Variants in COL24A1 observed in about 807,000 individuals in gnomAD.
COL24A1 encodes the protein collagen type XXIV alpha 1 chain, also known as collagen alpha-1(XXIV) chain.
A neutral mutation model predicts 253.9 loss-of-function variants in COL24A1; 224 were observed. The observed-to-expected ratio is 0.88, with a 90% CI of 0.79 to 0.99. The LOEUF is 0.99. Ranked by LOEUF, COL24A1 falls within the 50% of genes least tolerant of loss-of-function variation. COL24A1 has a pLI of 0.00. For missense variants in COL24A1, 2,131 were observed against 2,068.5 expected (o/e 1.03, Z -0.59); for synonymous variants, 685 against 673.7 (o/e 1.02, Z -0.26).
At chr1:85,917,450 T>C (rs538240867) in intron 24 of COL24A1, among the ~76,000 whole-genome samples, 1 of 152,258 alleles carries the variant, frequency 6.6e-6, no homozygotes, top group East Asian at 1.9e-4. Flanking sequence ...GCTCAACTTA[T>C]TTTTTCCCAT....
At chr1:85,821,294 AT>A (rs1188892105) in intron 45 of COL24A1, among the ~76,000 whole-genome samples, 1 of 152,172 alleles carries the variant, frequency 6.6e-6, no homozygotes, top group Non-Finnish European at 1.5e-5. Context: ...AATTAATCAT[AT>A]TTTACTTAAT....
At chr1:85,897,667 T>C (rs887835425) in intron 28 of COL24A1, among the ~76,000 whole-genome samples, 6 of 152,180 alleles carry the variant, frequency 3.9e-5, no homozygotes, top group Non-Finnish European at 2.9e-5. Context: ...GACAGAATAG[T>C]CTTCCATTAA....
At chr1:85,991,750 TAG>T (rs1694298095) in intron 19 of COL24A1, among the ~76,000 whole-genome samples, 1 of 152,064 alleles carries the variant, frequency 6.6e-6, no homozygotes, top group Admixed American at 6.6e-5. Flanking sequence ...TCAAGGATAA[TAG>T]AAGAAAAAGA....
chr1:85,829,010 T>C (rs1461916954), intron 43 of COL24A1, among the ~76,000 whole-genome samples: 1 of 152,190 alleles, frequency 6.6e-6, no homozygotes, highest in South Asian at 2.1e-4. Context: ...TGCAGTTTCT[T>C]CCTAGTCTTG....
At chr1:86,147,842 T>C (rs78522133) in intron 1 of COL24A1, among the ~76,000 whole-genome samples, 1,564 of 152,352 alleles carry the variant, frequency 0.01, 17 homozygotes, top group African/African-American at 0.036. Flanking sequence ...TAACATGACA[T>C]GACCCTAAAA....
chr1:85,783,650 TA>T (rs1287512333), intron 50 of COL24A1, 92 bp from the exon 51 acceptor site: 7 of 1,180,876 alleles, frequency 5.9e-6, no homozygotes, highest in Non-Finnish European at 8.8e-6. Context: ...ATTGCTCTTT[TA>T]AAAATGGAAT....
intron 19 of COL24A1, among the ~76,000 whole-genome samples, chr1:85,994,788 G>C (rs1694620692): frequency 6.6e-6 from 1 of 152,108 alleles, no homozygotes; most frequent in Non-Finnish European, 1.5e-5. Flanking sequence ...TGCAAATGAA[G>C]GAAATATTCT....
chr1:85,978,756 C>T (rs950149277), intron 20 of COL24A1, among the ~76,000 whole-genome samples: 1 of 152,126 alleles, frequency 6.6e-6, no homozygotes, highest in Non-Finnish European at 1.5e-5. Context: ...GATGTTGATA[C>T]TCTACTGACA....
chr1:85,921,071 A>T (rs570765841), intron 24 of COL24A1, among the ~76,000 whole-genome samples: 1 of 152,246 alleles, frequency 6.6e-6, no homozygotes, highest in African/African-American at 2.4e-5. Context: ...GGCTCATCTC[A>T]TTGGGACTGG....
chr1:86,080,471 G>A (rs1702553522), intron 7 of COL24A1, among the ~76,000 whole-genome samples: 1 of 152,144 alleles, frequency 6.6e-6, no homozygotes, highest in South Asian at 2.1e-4. Flanking sequence ...AAATGTTTGT[G>A]AGGATGGATA....
intron 24 of COL24A1, among the ~76,000 whole-genome samples, chr1:85,942,523 G>A (rs961089430): frequency 5.3e-5 from 8 of 152,070 alleles, no homozygotes; most frequent in South Asian, 4.1e-4. Flanking sequence ...TGTAGAATAC[G>A]CTAGGTAAAT....
intron 37 of COL24A1, among the ~76,000 whole-genome samples, chr1:85,862,156 CAATCTGCAGTGATCTTTT>C (rs1290227643): frequency 5.3e-5 from 8 of 152,174 alleles, no homozygotes; most frequent in Non-Finnish European, 1.2e-4. Flanking sequence ...TGCATTATCA[CAATCTGCAGTGATCTTTT>C]AATCTTTCAG....
chr1:85,840,508 C>T (rs887728156), intron 42 of COL24A1, among the ~76,000 whole-genome samples: 2 of 151,952 alleles, frequency 1.3e-5, no homozygotes, highest in African/African-American at 2.4e-5. Flanking sequence ...GATCCTTGTG[C>T]CTTAAGATTG....
At chr1:86,151,110 T>G in intron 1 of COL24A1, among the ~76,000 whole-genome samples, 1 of 151,960 alleles carries the variant, frequency 6.6e-6, no homozygotes, top group East Asian at 1.9e-4. Context: ...TGTGTGTGTA[T>G]ACACATACAT....
At chr1:85,926,336 A>G (rs1303411180) in intron 24 of COL24A1, among the ~76,000 whole-genome samples, 1 of 152,224 alleles carries the variant, frequency 6.6e-6, no homozygotes. Flanking sequence ...TATATACCCA[A>G]AGGATTGTAA....
At chr1:85,768,960 A>G (rs1008365325) in intron 53 of COL24A1, among the ~76,000 whole-genome samples, 3 of 151,218 alleles carry the variant, frequency 2.0e-5, no homozygotes, top group Non-Finnish European at 4.4e-5. Context: ...TCATGCCTTC[A>G]TGGAGCTCAC....
chr1:85,824,384 G>T (rs902234078), intron 43 of COL24A1, among the ~76,000 whole-genome samples: 9 of 152,150 alleles, frequency 5.9e-5, no homozygotes, highest in Non-Finnish European at 1.2e-4. Context: ...CCCATTTTGT[G>T]GTAATTTGTT....
At chr1:85,986,682 G>A (rs932456913) in intron 20 of COL24A1, among the ~76,000 whole-genome samples, 1 of 151,804 alleles carries the variant, frequency 6.6e-6, no homozygotes, top group Non-Finnish European at 1.5e-5. Context: ...GACTATAAAC[G>A]AGATAATGTC....
chr1:85,783,426 T>G (rs2101583243), intron 51 of COL24A1, 70 bp downstream of exon 51: 1 of 1,262,132 alleles, frequency 7.9e-7, no homozygotes, highest in South Asian at 1.3e-5. Context: ...TACATTACAT[T>G]TAGAGCTCTT....
Sources: allele counts gnomAD v4.1 joint callset (sites outside exome capture counted in the v4.1 genomes callset), GRCh38; gene constraint gnomAD v4.1.1; transcripts MANE v1.5; gene names NCBI Gene and HGNC (gene_info 2026-07-23, HGNC 2026-07-21).